The following CALN1 variants were observed in gnomAD, a reference collection of about 807,000 sequenced individuals.
The protein encoded by CALN1 is calneuron 1.
Under a neutral mutation model 30.6 loss-of-function variants are expected in CALN1, and 17 were observed. The ratio of observed to expected loss-of-function variants is 0.56; its 90% CI spans 0.38 to 0.83. The LOEUF (loss-of-function observed/expected upper bound fraction) is 0.83. Ranked by LOEUF, CALN1 falls within the 40% of genes least tolerant of loss-of-function variation. The pLI is 0.00. For synonymous variants in CALN1, 156 were observed against 131.4 expected (o/e 1.19, Z -1.28); for missense variants, 291 against 354.9 (o/e 0.82, Z 1.45).
intron 3 of CALN1, among the ~76,000 whole-genome samples, chr7:72,182,258 G>T (rs1376872741): frequency 1.3e-5 from 2 of 152,036 alleles, no homozygotes. Context: ...CATTGATCAA[G>T]TGTGTCATGC....
At chr7:72,431,209 C>A (rs1188081693) in intron 1 of CALN1, among the ~76,000 whole-genome samples, 1 of 152,060 alleles carries the variant, frequency 6.6e-6, no homozygotes, top group Non-Finnish European at 1.5e-5. Context: ...GGATTACGGG[C>A]ATAAGCCACT....
Position 72,430,141 on chromosome 7 carries a change from T to C in CALN1, c.-226+16901A>G, listed in dbSNP as rs536975139. Reference sequence around the variant, plus strand: ...GCCTGTAATTATATATTTTAACAAATATATGTAATTATTATAGATTTATAT... The same window carrying C: ...GCCTGTAATTATATATTTTAACAAACATATGTAATTATTATAGATTTATAT... On this transcript the variant is annotated intron_variant, in intron 1 of 6. Transcript: ENST00000395276. Among the ~76,000 whole-genome samples, 196 of 150,042 alleles carry C rather than the reference T, an allele frequency of 1.3e-3. 1 individual carries two copies. The highest frequency in any genetic ancestry group is 4.5e-3 in the African/African-American group (185 of 41,154).
At chr7:72,092,226 T>A (rs1192789883) in intron 4 of CALN1, among the ~76,000 whole-genome samples, 1 of 152,184 alleles carries the variant, frequency 6.6e-6, no homozygotes, top group African/African-American at 2.4e-5. Context: ...ATTTTTAAAT[T>A]TCCAAGTGGG....
intron 2 of CALN1, among the ~76,000 whole-genome samples, chr7:72,389,122 T>G (rs1012439773): frequency 2.0e-5 from 3 of 152,194 alleles, no homozygotes; most frequent in Non-Finnish European, 4.4e-5. Flanking sequence ...CAAGCAGTAT[T>G]CTGAGCAGGT....
At chr7:72,006,194 A>ATTAT (rs1306310023) in intron 5 of CALN1, among the ~76,000 whole-genome samples, 1 of 152,210 alleles carries the variant, frequency 6.6e-6, no homozygotes, top group African/African-American at 2.4e-5. Flanking sequence ...GGGGAAAGTA[A>ATTAT]ATATAAGCCA....
At chr7:72,276,062 G>C (rs1797314156) in intron 3 of CALN1, among the ~76,000 whole-genome samples, 1 of 152,186 alleles carries the variant, frequency 6.6e-6, no homozygotes. Context: ...GGAGAATATG[G>C]AAAGCCACAG....
intron 3 of CALN1, among the ~76,000 whole-genome samples, chr7:72,236,993 T>TA (rs1399903688): frequency 1.3e-5 from 2 of 151,852 alleles, no homozygotes; most frequent in African/African-American, 4.8e-5. Context: ...TTTTTATTTT[T>TA]TTTTTTTTGA....
At chr7:72,332,335 G>C (rs937792014) in intron 2 of CALN1, among the ~76,000 whole-genome samples, 1 of 151,896 alleles carries the variant, frequency 6.6e-6, no homozygotes, top group South Asian at 2.1e-4. Context: ...AAATAGGGTG[G>C]TAACTTCTGG....
intron 4 of CALN1, among the ~76,000 whole-genome samples, chr7:72,090,761 T>G (rs561164638): frequency 9.8e-5 from 15 of 152,288 alleles, no homozygotes; most frequent in African/African-American, 3.4e-4. Flanking sequence ...AAGGAAATCC[T>G]TTTACTTGCA....
chr7:71,910,245 A>C (rs1029235357), intron 5 of CALN1, among the ~76,000 whole-genome samples: 17 of 152,314 alleles, frequency 1.1e-4, no homozygotes, highest in African/African-American at 4.1e-4. Flanking sequence ...CAGACCTGAG[A>C]GTTTGCCATG....
At chr7:72,314,558 G>C (rs1345939949) in intron 2 of CALN1, among the ~76,000 whole-genome samples, 1 of 151,136 alleles carries the variant, frequency 6.6e-6, no homozygotes, top group Admixed American at 6.6e-5. Flanking sequence ...CGAGTAGCTG[G>C]AATACAAGTG....
chr7:72,140,137 G>A (rs1809792018), intron 3 of CALN1, among the ~76,000 whole-genome samples: 2 of 151,890 alleles, frequency 1.3e-5, no homozygotes, highest in Non-Finnish European at 2.9e-5. Context: ...TGGGAGTGGT[G>A]CTGAACACTT....
chr7:72,029,416 T>C (rs547788911), intron 4 of CALN1, among the ~76,000 whole-genome samples: 1 of 152,074 alleles, frequency 6.6e-6, no homozygotes, highest in Non-Finnish European at 1.5e-5. Context: ...GCCTGGCCAA[T>C]ATTTGATCTT....
chr7:72,422,289 G>A (rs560147663), intron 1 of CALN1, among the ~76,000 whole-genome samples: 4 of 152,256 alleles, frequency 2.6e-5, no homozygotes, highest in African/African-American at 9.6e-5. Context: ...CAATGCCAAC[G>A]TCTATTGTTT....
rs531022187 is a variant in CALN1, at chr7:72,238,639, TAGTG to T, written c.244+40043_244+40046del. On this transcript the variant is annotated intron_variant, in intron 3 of 6. Transcript: ENST00000395275. Reference sequence around the variant, plus strand: ...GGTTAGCTCCATGTTGTTCTCATGATAGTGAGTGAGTTCTCACAAGTTCTGATGG... The same window carrying T: ...GGTTAGCTCCATGTTGTTCTCATGATAGTGAGTTCTCACAAGTTCTGATGG... Among the ~76,000 whole-genome samples the T allele has an allele frequency of 1.6e-3, 239 of 152,262 alleles. 1 individual carries two copies. Among genetic ancestry groups the T allele is most frequent in the African/African-American group, 4.9e-3 (205 of 41,560 alleles).
At chr7:72,210,703 G>T (rs1398727913) in intron 3 of CALN1, among the ~76,000 whole-genome samples, 1 of 152,036 alleles carries the variant, frequency 6.6e-6, no homozygotes, top group Non-Finnish European at 1.5e-5. Context: ...CCACCCCCAT[G>T]TTTCAATTAT....
chr7:71,843,449 T>C (rs1790056840), intron 5 of CALN1, among the ~76,000 whole-genome samples: 1 of 151,890 alleles, frequency 6.6e-6, no homozygotes, highest in South Asian at 2.1e-4. Context: ...TGAGACCCTA[T>C]CTCTAAAAAA....
At chr7:71,803,581 T>C (rs896364461) in intron 6 of CALN1, among the ~76,000 whole-genome samples, 1 of 152,142 alleles carries the variant, frequency 6.6e-6, no homozygotes, top group African/African-American at 2.4e-5. Context: ...TTCAAGTGAT[T>C]CTCCTGCCTC....
At chr7:72,295,588 A>G (rs1385314701) in intron 2 of CALN1, among the ~76,000 whole-genome samples, 2 of 139,532 alleles carry the variant, frequency 1.4e-5, no homozygotes, top group African/African-American at 5.4e-5. Context: ...CATCCCTTGT[A>G]AGTTGGATTC....
Sources: allele counts gnomAD v4.1 joint callset (sites outside exome capture counted in the v4.1 genomes callset), GRCh38; gene constraint gnomAD v4.1.1; transcripts MANE v1.5; gene names NCBI Gene and HGNC (gene_info 2026-07-23, HGNC 2026-07-21).